Variants in FOXO3 observed in about 807,000 individuals in gnomAD.
FOXO3 encodes forkhead box protein O3.
A neutral mutation model predicts 41.9 loss-of-function variants in FOXO3; 4 were observed. That is an observed-to-expected ratio of 0.10 (90% CI 0.05 to 0.22). FOXO3 has a LOEUF of 0.22. FOXO3 is among the 10% of genes least tolerant of loss of function. The pLI is 1.00. For synonymous variants in FOXO3, 318 were observed against 389.3 expected (o/e 0.82, Z 2.16); for missense variants, 534 against 906.8 (o/e 0.59, Z 5.28).
At chr6:108,617,267 A>G (rs1777541128) in intron 1 of FOXO3, among the ~76,000 whole-genome samples, 1 of 152,134 alleles carries the variant, frequency 6.6e-6, no homozygotes, top group South Asian at 2.1e-4. Context: ...TAGTCCCATC[A>G]TCTTGTCTCA....
At chr6:108,627,164 A>G (rs989962946) in intron 1 of FOXO3, among the ~76,000 whole-genome samples, 1 of 152,122 alleles carries the variant, frequency 6.6e-6, no homozygotes, top group East Asian at 1.9e-4. Flanking sequence ...ATGTGAGACC[A>G]TTTTCAGACT....
intron 1 of FOXO3, among the ~76,000 whole-genome samples, chr6:108,615,611 T>G (rs1267274388): frequency 6.6e-6 from 1 of 151,838 alleles, no homozygotes; most frequent in African/African-American, 2.4e-5. Flanking sequence ...GTGTTTATAG[T>G]TTTTTATAAA....
chr6:108,663,538 C>T lies in FOXO3; in HGVS notation c.705C>T (p.Ile235=), dbSNP rs1778933366. The stretch of plus-strand genomic sequence containing the variant: ...GAACTGGCAAGAGCTCTTGGTGGAT[C>T]ATCAACCCTGATGGGGGGAAGAGCG... ...NEGTGKSSWW[I]INPDGGKSGK... is the part of the protein sequence containing the mutation. The change falls in exon 2 of 3, where the codon ATC becomes ATT. Residue 235 remains isoleucine (I), a synonymous_variant. Transcript: ENST00000406360. 6 of 1,613,488 alleles carry T rather than the reference C, an allele frequency of 3.7e-6. 1 individual carries two copies. The highest frequency in any genetic ancestry group is 5.1e-6 in the Non-Finnish European group (6 of 1,179,612).
At chr6:108,600,154 T>C (rs1777004484) in intron 1 of FOXO3, among the ~76,000 whole-genome samples, 1 of 152,182 alleles carries the variant, frequency 6.6e-6, no homozygotes, top group Admixed American at 6.5e-5. Context: ...TAGTGACTAC[T>C]GACATAACCT....
At chr6:108,589,197 G>GA (rs1319154808) in intron 1 of FOXO3, among the ~76,000 whole-genome samples, 6 of 152,152 alleles carry the variant, frequency 3.9e-5, no homozygotes, top group Non-Finnish European at 7.4e-5. Context: ...TGAAAATAAA[G>GA]AAAAAATCTA....
rs1473831986 is a variant in FOXO3, at chr6:108,563,283, T to A, written c.621+1454T>A. Among the ~76,000 whole-genome samples, 3 of 152,378 alleles carry A rather than the reference T, an allele frequency of 2.0e-5. No homozygotes were observed. The East Asian group carries it at 5.8e-4, about 29-fold the overall frequency. ...TTAGATACTTTAAAAGCAAAACACG[T>A]GTGCTTTGATATTAATCCACTAATG... On this transcript the variant is annotated intron_variant, in intron 1 of 2. Transcript: ENST00000406360.
intron 1 of FOXO3, chr6:108,656,596 C>G: frequency 1.2e-6 from 1 of 806,326 alleles, no homozygotes; most frequent in Non-Finnish European, 1.5e-6. Context: ...TTGTTGGGAG[C>G]TGCTTTTGTA....
chr6:108,615,210 T>G (rs1777461768), intron 1 of FOXO3, among the ~76,000 whole-genome samples: 1 of 152,156 alleles, frequency 6.6e-6, no homozygotes, highest in Admixed American at 6.5e-5. Context: ...TCTTCATTCC[T>G]TTAAGTTCAG....
At chr6:108,661,631 T>C (rs1778868533) in intron 1 of FOXO3, among the ~76,000 whole-genome samples, 1 of 152,206 alleles carries the variant, frequency 6.6e-6, no homozygotes, top group Admixed American at 6.5e-5. Context: ...GTGTCACCCT[T>C]ACATCATCCC....
Position 108,664,204 on chromosome 6 carries a change from T to A in FOXO3, c.1371T>A (p.Ala457=). ...AGACCATCCAAGAGAACAAGCCAGC[T>A]ACCTTCTCTTCCATGTCACACTATG... ...PMQTIQENKP[A]TFSSMSHYGN... is the part of the protein sequence containing the mutation. The change falls in exon 2 of 3, where the codon GCT becomes GCA. Residue 457 remains alanine (A), a synonymous_variant. Coordinates refer to ENST00000406360, the MANE Select transcript of FOXO3 (RefSeq NM_001455.4). 1.2e-6 allele frequency: 2 copies of A among 1,611,896 alleles called. No individual in the cohort carries two copies. The highest frequency in any genetic ancestry group is 8.5e-7 in the Non-Finnish European group (1 of 1,178,342).
At chr6:108,589,678 C>T (rs1441094164) in intron 1 of FOXO3, among the ~76,000 whole-genome samples, 1 of 152,162 alleles carries the variant, frequency 6.6e-6, no homozygotes, top group African/African-American at 2.4e-5. Context: ...GCAGGGGTGA[C>T]TGGCTGTTCA....
intron 1 of FOXO3, among the ~76,000 whole-genome samples, chr6:108,563,049 C>T (rs1302025127): frequency 1.3e-5 from 2 of 152,052 alleles, no homozygotes; most frequent in Non-Finnish European, 2.9e-5. Context: ...CCTTCCCTTT[C>T]TTCATTGTCA....
At position 108,581,625 on chromosome 6, in the gene FOXO3, G is replaced by A. The variant is rs141846434; in HGVS notation, c.621+19796G>A. ...ACTGCAGTTCTTTCTATACTGGAAG[G>A]AAAAGGAGGAAAGCAAAGTTATTTT... On this transcript the variant is annotated intron_variant, in intron 1 of 2. Transcript: ENST00000406360. Among the ~76,000 whole-genome samples, 215 of 152,236 alleles carry A rather than the reference G, an allele frequency of 1.4e-3. 2 individuals are homozygous for A. Among genetic ancestry groups the A allele is most frequent in the African/African-American group, 4.7e-3 (194 of 41,546 alleles).
chr6:108,666,790 C>T (rs2128388538), intron 2 of FOXO3, among the ~76,000 whole-genome samples: 1 of 152,280 alleles, frequency 6.6e-6, no homozygotes, highest in South Asian at 2.1e-4. Flanking sequence ...TAAAAACTCT[C>T]CTCCTCAAGA....
At chr6:108,587,193 T>C (rs139525561) in intron 1 of FOXO3, among the ~76,000 whole-genome samples, 2 of 152,000 alleles carry the variant, frequency 1.3e-5, no homozygotes, top group East Asian at 1.9e-4. Context: ...GTGGACCAAG[T>C]TGACCAAGCT....
chr6:108,678,817 C>T (rs1770722234), intron 2 of FOXO3, among the ~76,000 whole-genome samples: 1 of 150,160 alleles, frequency 6.7e-6, no homozygotes, highest in African/African-American at 2.4e-5. Context: ...CTCTTGAGCC[C>T]AGGAGTTCAA....
chr6:108,574,508 C>T (rs1029756258), intron 1 of FOXO3, among the ~76,000 whole-genome samples: 1 of 152,130 alleles, frequency 6.6e-6, no homozygotes, highest in African/African-American at 2.4e-5. Context: ...ACAAGGAGTT[C>T]TTGGCAGAAG....
chr6:108,570,411 C>G (rs1776066519), intron 1 of FOXO3, among the ~76,000 whole-genome samples: 1 of 152,136 alleles, frequency 6.6e-6, no homozygotes, highest in African/African-American at 2.4e-5. Flanking sequence ...ACTCCTGGCT[C>G]TCTCTGTAGA....
At position 108,683,889 on chromosome 6, in the gene FOXO3, G is replaced by C. The variant is rs1322527275; in HGVS notation, c.*4097G>C. 6.6e-6 allele frequency: 1 copy of C among 152,464 alleles called. No homozygotes were observed. Among genetic ancestry groups the C allele is most frequent in the Non-Finnish European group, 1.5e-5 (1 of 68,022 alleles). 9.4% of individuals were successfully genotyped at this position (152,464 alleles called of 1,614,324 possible). A position where few individuals can be genotyped will look rare whatever the true frequency, so the allele number is the denominator to read the frequency against. ...AAAAGCTAGCCTCTCTCAGAGACCGGGGAGGCAGAGTACTACTAGAGGAAG... is the reference window on the plus strand; with the variant it reads ...AAAAGCTAGCCTCTCTCAGAGACCGCGGAGGCAGAGTACTACTAGAGGAAG... On this transcript the variant is annotated 3_prime_UTR_variant, in exon 3 of 3. Coordinates refer to ENST00000406360, the MANE Select transcript of FOXO3 (RefSeq NM_001455.4).
Sources: allele counts gnomAD v4.1 joint callset (sites outside exome capture counted in the v4.1 genomes callset), GRCh38; gene constraint gnomAD v4.1.1; transcripts MANE v1.5; gene names NCBI Gene and HGNC (gene_info 2026-07-23, HGNC 2026-07-21).